The following PLCL1 variants were observed in gnomAD, a reference collection of about 807,000 sequenced individuals.
The protein encoded by PLCL1 is phospholipase C like 1 (inactive).
PLCL1 carries 41 observed loss-of-function variants against 84.4 expected under a neutral mutation model. That is an observed-to-expected ratio of 0.49 (90% confidence interval 0.38 to 0.63). The LOEUF is 0.63. PLCL1 is among the 30% of genes least tolerant of loss of function. The pLI is 0.00. For missense variants in PLCL1, 1,206 were observed against 1,367.8 expected (o/e 0.88, Z 1.87); for synonymous variants, 490 against 488.3 (o/e 1.00, Z -0.05).
chr2:197,860,870 T>G (rs777904878), intron 1 of PLCL1, among the ~76,000 whole-genome samples: 1 of 152,232 alleles, frequency 6.6e-6, no homozygotes, highest in Non-Finnish European at 1.5e-5. Context: ...CTCTTTAGTT[T>G]AATTAGATCC....
intron 1 of PLCL1, among the ~76,000 whole-genome samples, chr2:198,008,615 T>C (rs1690789462): frequency 6.6e-6 from 1 of 152,068 alleles, no homozygotes; most frequent in Non-Finnish European, 1.5e-5. Context: ...TTGATGGACA[T>C]TTGGACTGCT....
At position 197,805,328 on chromosome 2, in the gene PLCL1, A is replaced by T; in HGVS notation, c.229A>T (p.Ser77Cys). 2.3e-6 allele frequency: 3 copies of T among 1,322,352 alleles called. No homozygotes were observed. The highest frequency in any genetic ancestry group is 2.9e-6 in the Non-Finnish European group (3 of 1,041,498). 81.9% of individuals were successfully genotyped at this position (1,322,352 alleles called of 1,614,324 possible). A position where few individuals can be genotyped will look rare whatever the true frequency, so the allele number is the denominator to read the frequency against. ...AGCACGGGCGACCCCCCGGCGCAGC[A>T]GCATCATCAAGGTAAGCAAAGCCGC... is the stretch of plus-strand genomic sequence containing the variant. Reference protein sequence around the residue: ...EAARATPRRSSIIKDPSNQKC... With the variant: ...EAARATPRRSCIIKDPSNQKC... Residue 77 changes from serine (S) to cysteine (C), a missense_variant, in exon 1 of 6, where the codon AGC becomes TGC. Coordinates refer to ENST00000428675, the MANE Select transcript of PLCL1 (RefSeq NM_006226.4). The surrounding 1 kb of genome is among the most constrained non-coding windows in gnomAD (Gnocchi z 4.0).
chr2:198,037,755 G>T (rs546790148), intron 1 of PLCL1, among the ~76,000 whole-genome samples: 1 of 152,126 alleles, frequency 6.6e-6, no homozygotes, highest in Non-Finnish European at 1.5e-5. Flanking sequence ...ACATAATCCC[G>T]TGACTTTTGA....
chr2:197,902,219 C>T (rs1487675502), intron 1 of PLCL1, among the ~76,000 whole-genome samples: 1 of 152,050 alleles, frequency 6.6e-6, no homozygotes, highest in Non-Finnish European at 1.5e-5. Context: ...CCTAGGACAG[C>T]CAAGGAAGGG....
intron 5 of PLCL1, among the ~76,000 whole-genome samples, chr2:198,122,957 T>C (rs1043370383): frequency 2.0e-5 from 3 of 152,034 alleles, no homozygotes; most frequent in African/African-American, 7.2e-5. Flanking sequence ...GGTTAGCTAA[T>C]AGCTAATGAG....
At chr2:197,862,898 C>G (rs997820811) in intron 1 of PLCL1, among the ~76,000 whole-genome samples, 1 of 152,002 alleles carries the variant, frequency 6.6e-6, no homozygotes, top group African/African-American at 2.4e-5. Flanking sequence ...CAGATTGAGA[C>G]TGGAGAAGAG....
At chr2:198,138,220 G>T (rs1694303557) in intron 5 of PLCL1, among the ~76,000 whole-genome samples, 1 of 152,122 alleles carries the variant, frequency 6.6e-6, no homozygotes, top group Non-Finnish European at 1.5e-5. Context: ...CTGTACAGGA[G>T]GCATGGCTGG....
At chr2:197,890,087 AC>A (rs1416136349) in intron 1 of PLCL1, among the ~76,000 whole-genome samples, 1 of 152,174 alleles carries the variant, frequency 6.6e-6, no homozygotes, top group Non-Finnish European at 1.5e-5. Flanking sequence ...GACAGTGAAC[AC>A]TTTGAAAGGT....
At chr2:197,997,744 C>G (rs1690501314) in intron 1 of PLCL1, among the ~76,000 whole-genome samples, 2 of 152,016 alleles carry the variant, frequency 1.3e-5, no homozygotes. Flanking sequence ...TTTTATGAAC[C>G]CTTGGAGTGG....
At chr2:197,920,117 G>C (rs916478401) in intron 1 of PLCL1, among the ~76,000 whole-genome samples, 1 of 152,016 alleles carries the variant, frequency 6.6e-6, no homozygotes, top group Admixed American at 6.6e-5. Flanking sequence ...TGGTCTTTTT[G>C]ACTCTGCAAC....
rs139712873 is a variant in PLCL1 at position 197,982,743 on chromosome 2, T to G, written c.241-101015T>G. 6.8e-3 allele frequency among the ~76,000 whole-genome samples: 1,033 copies of G among 152,278 alleles called. 8 individuals carry two copies. Among genetic ancestry groups the G allele is most frequent in the African/African-American group, 0.024 (982 of 41,548 alleles). On this transcript the variant is annotated intron_variant, in intron 1 of 5. Coordinates refer to ENST00000428675, the MANE Select transcript of PLCL1 (RefSeq NM_006226.4). ...GGGGTAACCTGATCTGCTGAGGGAG[T>G]AGCTGTGATCCAAACATGTGAGTTG...
chr2:197,927,773 G>T (rs1688860407), intron 1 of PLCL1, among the ~76,000 whole-genome samples: 1 of 152,148 alleles, frequency 6.6e-6, no homozygotes, highest in Non-Finnish European at 1.5e-5. Context: ...ATACTAAGAT[G>T]AAATAATTTG....
intron 1 of PLCL1, among the ~76,000 whole-genome samples, chr2:197,931,484 T>C (rs1038765083): frequency 2.0e-5 from 3 of 152,316 alleles, no homozygotes; most frequent in Admixed American, 2.0e-4. Flanking sequence ...CATTTCTGCA[T>C]GCAAATTCCA....
At chr2:198,070,325 C>T (rs1319641706) in intron 1 of PLCL1, among the ~76,000 whole-genome samples, 2 of 151,984 alleles carry the variant, frequency 1.3e-5, no homozygotes, top group African/African-American at 4.8e-5. Context: ...CAAGTTTAAC[C>T]TTCTTTTCCA....
chr2:198,075,212 C>T (rs943527638), intron 1 of PLCL1, among the ~76,000 whole-genome samples: 4 of 152,172 alleles, frequency 2.6e-5, no homozygotes, highest in Admixed American at 6.5e-5. Flanking sequence ...AATCGTATCT[C>T]GGTCTCCAAG....
intron 1 of PLCL1, among the ~76,000 whole-genome samples, chr2:197,992,906 A>G (rs1014072597): frequency 2.0e-5 from 3 of 152,136 alleles, no homozygotes; most frequent in African/African-American, 7.2e-5. Flanking sequence ...TTATTGGTTC[A>G]TCTTTTGAAG....
chr2:197,902,120 A>G (rs982390922), intron 1 of PLCL1, among the ~76,000 whole-genome samples: 4 of 152,170 alleles, frequency 2.6e-5, no homozygotes, highest in Non-Finnish European at 5.9e-5. Flanking sequence ...CAAGGATGGC[A>G]TACTGGCTGT....
chr2:198,058,389 G>T (rs1199504351), intron 1 of PLCL1, among the ~76,000 whole-genome samples: 1 of 151,940 alleles, frequency 6.6e-6, no homozygotes, highest in African/African-American at 2.4e-5. Flanking sequence ...AAAGGAGGAA[G>T]AATTCATTTT....
At chr2:197,993,467 C>T (rs1291835836) in intron 1 of PLCL1, among the ~76,000 whole-genome samples, 1 of 152,166 alleles carries the variant, frequency 6.6e-6, no homozygotes. Flanking sequence ...ATGGCACACT[C>T]CAGTGGAGGA....
Sources: gnomAD v4.1 joint callset for allele counts (sites outside exome capture counted in the v4.1 genomes callset) on GRCh38, gnomAD v4.1.1 for gene constraint, Gnocchi (gnomAD v3.1) non-coding constraint, MANE v1.5 for transcripts, NCBI Gene and HGNC (gene_info 2026-07-23, HGNC 2026-07-21) for gene names.